Variants in TG observed in about 807,000 individuals in gnomAD.
TG encodes the protein thyroid hormones.
TG carries 270 observed loss-of-function variants against 324.7 expected under a neutral mutation model. That is an observed-to-expected ratio of 0.83 (90% CI 0.75 to 0.92). The LOEUF (loss-of-function observed/expected upper bound fraction) is 0.92, where lower values mean the gene tolerates loss of function less well. Ranked by LOEUF, TG falls within the 40% of genes least tolerant of loss-of-function variation. The pLI is 0.00. For synonymous variants in TG, 1,401 were observed against 1,327.0 expected (o/e 1.06, Z -1.21); for missense variants, 3,591 against 3,456.4 (o/e 1.04, Z -0.98).
At chr8:132,904,528 G>A (rs554962195) in intron 16 of TG, among the ~76,000 whole-genome samples, 55 of 152,280 alleles carry the variant, frequency 3.6e-4, no homozygotes, top group South Asian at 2.3e-3. Flanking sequence ...CTCCCTGGCC[G>A]TGGGGGCCAG....
intron 41 of TG, among the ~76,000 whole-genome samples, chr8:133,034,146 G>A (rs1421734478): frequency 6.6e-6 from 1 of 152,130 alleles, no homozygotes; most frequent in African/African-American, 2.4e-5. Context: ...TAAGCTTATT[G>A]AGGTTTTATT....
chr8:133,116,559 C>A, intron 44 of TG, 50 bp from the exon 45 acceptor site: 1 of 1,544,864 alleles, frequency 6.5e-7, no homozygotes. Context: ...GGCACCATGG[C>A]CCATAGAGCC....
chr8:132,957,742 TACACACACAC>T (rs6150825), intron 27 of TG, among the ~76,000 whole-genome samples: 6 of 41,546 alleles, frequency 1.4e-4, no homozygotes, highest in East Asian at 1.2e-3. Flanking sequence ...CATGGTAAAC[TACACACACAC>T]ACACACACAC....
chr8:133,080,028 T>C (rs1447324596), intron 41 of TG, among the ~76,000 whole-genome samples: 1 of 152,074 alleles, frequency 6.6e-6, no homozygotes, highest in African/African-American at 2.4e-5. Flanking sequence ...TCTCTGGGTA[T>C]GGAGTTAGAG....
intron 41 of TG, among the ~76,000 whole-genome samples, chr8:133,082,469 T>C (rs1038966329): frequency 4.6e-5 from 7 of 152,180 alleles, no homozygotes; most frequent in Non-Finnish European, 8.8e-5. Context: ...CCCTGCAGCA[T>C]TGGGCACATA....
At chr8:132,959,443 A>G (rs372713281) in intron 27 of TG, among the ~76,000 whole-genome samples, 1 of 152,250 alleles carries the variant, frequency 6.6e-6, no homozygotes, top group Non-Finnish European at 1.5e-5. Flanking sequence ...AGCACTTGAT[A>G]CTGACATTTC....
intron 35 of TG, among the ~76,000 whole-genome samples, chr8:132,998,986 T>G (rs1833167541): frequency 6.6e-6 from 1 of 152,012 alleles, no homozygotes; most frequent in Admixed American, 6.5e-5. Context: ...GCATTCTCAG[T>G]TAAGGATGAT....
intron 43 of TG, among the ~76,000 whole-genome samples, chr8:133,108,877 C>T (rs4736434): frequency 0.53 from 80,622 of 151,988 alleles, 23,585 homozygotes; most frequent in African/African-American, 0.77. Flanking sequence ...GCCATGGGGG[C>T]CCCTGGTTTA....
At chr8:133,112,242 T>C (rs1850316045) in intron 43 of TG, among the ~76,000 whole-genome samples, 1 of 152,294 alleles carries the variant, frequency 6.6e-6, no homozygotes, top group Non-Finnish European at 1.5e-5. Flanking sequence ...ACAGGTCCTG[T>C]GTGCTTGTAA....
intron 41 of TG, chr8:133,060,498 G>A (rs1323805518): frequency 2.6e-6 from 2 of 784,210 alleles, no homozygotes; most frequent in East Asian, 6.6e-5. Context: ...CCACAGCAGG[G>A]TTTGTGTGAG....
rs2687808 is a variant in TG at position 132,941,662 on chromosome 8, G to T, written c.5233+120G>T. 0.58 allele frequency: 644,877 copies of T among 1,112,584 alleles called. 192,034 individuals are homozygous for T. Among genetic ancestry groups the T allele is most frequent in the Admixed American group, 0.64 (33,230 of 51,748 alleles). 68.9% of individuals were successfully genotyped at this position (1,112,584 alleles called of 1,614,324 possible). A position where few individuals can be genotyped will look rare whatever the true frequency, so the allele number is the denominator to read the frequency against. On this transcript the variant is annotated intron_variant, in intron 26 of 47. Coordinates refer to ENST00000220616, the MANE Select transcript of TG (RefSeq NM_003235.5). ...TACAGTGTGAGTGCCTACACCCAAA[G>T]AGAAGGTGACAGTCAAGTACACAAT...
In TG at chr8:133,107,983, T is replaced by TTTTCCTC. The variant is rs1564199163; in HGVS notation, c.7573-5436_7573-5435insCCTCTTT. On this transcript the variant is annotated intron_variant, in intron 43 of 47. Transcript: ENST00000220616. Reference sequence around the variant, plus strand: ...CAGTCCTTTTTCTTTTCTTTTCTTCTTTTTTTTTTTTTTTTTTTGAGACAG... The same window carrying TTTTCCTC: ...CAGTCCTTTTTCTTTTCTTTTCTTCTTTTCCTCTTTTTTTTTTTTTTTTTTGAGACAG... Among the ~76,000 whole-genome samples, 367 of 111,616 alleles carry TTTTCCTC rather than the reference T, an allele frequency of 3.3e-3. 10 individuals carry two copies. The highest frequency in any genetic ancestry group is 0.014 in the African/African-American group (224 of 15,484). 73.2% of individuals were successfully genotyped at this position (111,616 alleles called of 152,430 possible).
At chr8:132,972,850 T>C in intron 34 of TG, 109 bp downstream of exon 34, 3 of 1,415,450 alleles carry the variant, frequency 2.1e-6, no homozygotes, top group Non-Finnish European at 3.0e-6. Flanking sequence ...GAAGACTCAT[T>C]GGGTTCAAGC....
chr8:133,037,987 C>G (rs375022625), intron 41 of TG: 1 of 155,240 alleles, frequency 6.4e-6, no homozygotes, highest in Non-Finnish European at 1.4e-5. Context: ...TTTAGTGTCA[C>G]GAAGTTCCTT....
intron 41 of TG, among the ~76,000 whole-genome samples, chr8:133,075,558 G>A (rs1263537451): frequency 6.6e-6 from 1 of 152,214 alleles, no homozygotes; most frequent in Non-Finnish European, 1.5e-5. Context: ...GGTAATAATA[G>A]TGTGGTTATG....
At chr8:132,920,463 T>C (rs1424368183) in intron 21 of TG, among the ~76,000 whole-genome samples, 1 of 152,202 alleles carries the variant, frequency 6.6e-6, no homozygotes, top group Non-Finnish European at 1.5e-5. Flanking sequence ...AAAATAAAAG[T>C]AAAAGGAATT....
chr8:132,963,857 C>A lies in TG; in HGVS notation c.5548+783C>A, dbSNP rs1564010352. ...AAAACGTCATGCTACAGAGCAGATA[C>A]TAGAGCTCGAACCATGTTTCTGCCA... is the stretch of plus-strand genomic sequence containing the variant. On this transcript the variant is annotated intron_variant, in intron 29 of 47. Transcript: ENST00000220616. 2.0e-5 allele frequency among the ~76,000 whole-genome samples: 3 copies of A among 152,276 alleles called. No individual in the cohort carries two copies. In the East Asian group the frequency reaches 5.8e-4, roughly 29 times the overall value.
rs568733284 is a variant in TG at position 132,893,053 on chromosome 8, G to C, written c.2762-637G>C. ...GTGTGTATGGTATGTGATGTGTCTT[G>C]AGTGGTGTGTGTATGTGTGTGGGTG... On this transcript the variant is annotated intron_variant, in intron 10 of 47. Coordinates refer to ENST00000220616, the MANE Select transcript of TG (RefSeq NM_003235.5). Among the ~76,000 whole-genome samples the C allele has an allele frequency of 1.1e-3, 155 of 147,178 alleles. 1 individual carries two copies. Among genetic ancestry groups the C allele is most frequent in the Non-Finnish European group, 4.1e-4 (27 of 66,472 alleles).
chr8:132,962,905 T>C, intron 28 of TG, 89 bp from the exon 29 acceptor site: 5 of 1,268,800 alleles, frequency 3.9e-6, no homozygotes, highest in Non-Finnish European at 5.8e-6. Context: ...AGGGCCTGAT[T>C]TTTCTCACAT....
Sources: gnomAD v4.1 joint callset for allele counts (sites outside exome capture counted in the v4.1 genomes callset) on GRCh38, gnomAD v4.1.1 for gene constraint, MANE v1.5 for transcripts, NCBI Gene and HGNC (gene_info 2026-07-23, HGNC 2026-07-21) for gene names.